The following SCN3A variants were observed in gnomAD, a reference collection of about 807,000 sequenced individuals.
SCN3A encodes the protein sodium channel protein type 3 subunit alpha.
Under a neutral mutation model 187.6 loss-of-function variants are expected in SCN3A, and 60 were observed. The ratio of observed to expected loss-of-function variants is 0.32; its 90% confidence interval spans 0.26 to 0.40. The LOEUF (loss-of-function observed/expected upper bound fraction) is 0.40, where lower values mean the gene tolerates loss of function less well. SCN3A is among the 10% of genes least tolerant of loss of function. The probability of loss-of-function intolerance (pLI) is 1.00; values close to 1 mark genes in which losing one functional copy is unlikely to be tolerated. For missense variants in SCN3A, 1,601 were observed against 2,428.2 expected, an observed-to-expected ratio of 0.66 and a Z score of 7.16; for synonymous variants, 788 against 829.2, an observed-to-expected ratio of 0.95 and a Z score of 0.85.
intron 18 of SCN3A, among the ~76,000 whole-genome samples, chr2:165,119,499 A>G (rs1686544941): frequency 6.6e-6 from 1 of 152,212 alleles, no homozygotes; most frequent in Non-Finnish European, 1.5e-5. Flanking sequence ...CTGAAAAACT[A>G]TATAAGCATT....
intron 1 of SCN3A, among the ~76,000 whole-genome samples, chr2:165,196,345 C>T (rs1691954156): frequency 6.6e-6 from 1 of 152,084 alleles, no homozygotes; most frequent in Admixed American, 6.6e-5. Flanking sequence ...CGACCTGCCT[C>T]AAAATGTGGA....
At chr2:165,151,184 A>G (rs575305556) in intron 11 of SCN3A, among the ~76,000 whole-genome samples, 25 of 152,314 alleles carry the variant, frequency 1.6e-4, no homozygotes, top group Middle Eastern at 3.4e-3. Context: ...GAGCTCAATA[A>G]TTCACTAAAC....
Position 165,089,335 on chromosome 2 carries a change from GC to G in SCN3A, c.*814del, listed in dbSNP as rs1267041172. On this transcript the variant is annotated 3_prime_UTR_variant, in exon 28 of 28. Coordinates refer to ENST00000283254, the MANE Select transcript of SCN3A (RefSeq NM_006922.4). ...CAGAAAGTGGAACAACTATTCTAAA[GC>G]AATACTTTAGATATATTTTTCTAGA... is the stretch of plus-strand genomic sequence containing the variant. 1 of 152,532 alleles carries G rather than the reference GC, an allele frequency of 6.6e-6. No homozygotes were observed. The highest frequency in any genetic ancestry group is 1.9e-4 in the East Asian group (1 of 5,182). The allele number at this position is 152,532 out of a possible 1,614,324, so 9.4% of individuals were successfully genotyped here.
At chr2:165,104,483 C>A (rs1574114064) in intron 21 of SCN3A, among the ~76,000 whole-genome samples, 1 of 148,554 alleles carries the variant, frequency 6.7e-6, no homozygotes, top group African/African-American at 2.5e-5. Context: ...TCAGGTTGGT[C>A]AAAAATTGAA....
At chr2:165,141,049 G>C in intron 12 of SCN3A, 51 bp from the exon 13 acceptor site, 1 of 1,172,148 alleles carries the variant, frequency 8.5e-7, no homozygotes, top group South Asian at 1.4e-5. Flanking sequence ...GGGGAAGAAC[G>C]CAATTATTTA....
intron 2 of SCN3A, among the ~76,000 whole-genome samples, chr2:165,184,082 A>C (rs1691068486): frequency 6.6e-6 from 1 of 152,130 alleles, no homozygotes. Context: ...TTTCACTGAG[A>C]GCTAATGATT....
In SCN3A at chr2:165,162,678, G is replaced by A. The variant is rs773151991; in HGVS notation, c.845C>T (p.Pro282Leu). 1.9e-6 allele frequency: 3 copies of A among 1,614,138 alleles called. No individual in the cohort carries two copies. Among genetic ancestry groups the A allele is most frequent in the Non-Finnish European group, 2.5e-6 (3 of 1,180,004 alleles). ...NLRNKCLQWP[P>L]SDSAFETNTT... Reference sequence around the variant, plus strand: ...GTTGGTTTCAAAAGCAGAATCGCTTGGGGGCCACTGCAAACATTTATTCCT... The same window carrying A: ...GTTGGTTTCAAAAGCAGAATCGCTTAGGGGCCACTGCAAACATTTATTCCT... The change falls in exon 8 of 28, where the codon CCA becomes CTA. Residue 282 changes from proline to leucine, a missense_variant. Around this residue, in one of 11 missense-constraint regions of SCN3A, gnomAD observed 104 missense variants for 102.7 expected, o/e 1.01. Coordinates refer to ENST00000283254, the MANE Select transcript of SCN3A (RefSeq NM_006922.4).
chr2:165,141,408 A>G (rs1464926869), intron 12 of SCN3A, among the ~76,000 whole-genome samples: 1 of 152,208 alleles, frequency 6.6e-6, no homozygotes, highest in Non-Finnish European at 1.5e-5. Context: ...TAGCCTGGAG[A>G]ATAAGTTTTG....
At chr2:165,175,965 A>G (rs1264410582) in intron 3 of SCN3A, among the ~76,000 whole-genome samples, 166 bp downstream of exon 3, 1 of 152,146 alleles carries the variant, frequency 6.6e-6, no homozygotes, top group Non-Finnish European at 1.5e-5. Context: ...TTCATTTCTT[A>G]TAAATGTTTG....
chr2:165,193,013 CA>C (rs1691709586), intron 1 of SCN3A, among the ~76,000 whole-genome samples: 1 of 152,046 alleles, frequency 6.6e-6, no homozygotes, highest in Admixed American at 6.6e-5. Flanking sequence ...TCATCTTAAA[CA>C]AAATATATCA....
rs1279492796 is a variant in SCN3A at position 165,131,290 on chromosome 2, C to G, written c.2519G>C (p.Gly840Ala). 1 of 1,605,424 alleles carries G rather than the reference C, an allele frequency of 6.2e-7. No homozygotes were observed. Among genetic ancestry groups the G allele is most frequent in the Non-Finnish European group, 8.5e-7 (1 of 1,174,788 alleles). The change falls in exon 16 of 28, where the codon GGT becomes GCT. Residue 840 changes from glycine to alanine, a missense_variant. By Grantham distance (60) the Gly-to-Ala change is moderately conservative. Around this residue, in one of 11 missense-constraint regions of SCN3A, gnomAD observed 91 missense variants for 207.0 expected, o/e 0.44. Coordinates refer to ENST00000283254, the MANE Select transcript of SCN3A (RefSeq NM_006922.4). ...IIVSLSLMEL[G>A]LSNVEGLSVL... ...AGACAATCCCTCCACATTTGACAGA[C>G]CAAGCTCCATTAAACTGAGGCTGAC...
intron 9 of SCN3A, among the ~76,000 whole-genome samples, chr2:165,156,980 G>A (rs1485752580): frequency 3.3e-5 from 5 of 151,568 alleles, no homozygotes; most frequent in African/African-American, 7.3e-5. Context: ...GTGCAATCTC[G>A]GCTCAATGCA....
chr2:165,145,819 T>G (rs1429302602), intron 12 of SCN3A, among the ~76,000 whole-genome samples: 1 of 152,116 alleles, frequency 6.6e-6, no homozygotes, highest in Non-Finnish European at 1.5e-5. Context: ...AAGATTGTTA[T>G]GATTAGAAGC....
chr2:165,156,512 C>CAAAAAAAAAAAAA (rs558407270), intron 9 of SCN3A, among the ~76,000 whole-genome samples: 6 of 63,704 alleles, frequency 9.4e-5, no homozygotes, highest in Non-Finnish European at 1.5e-4. Context: ...GACTCTGACT[C>CAAAAAAAAAAAAA]AAAAAAAAAA....
intron 21 of SCN3A, among the ~76,000 whole-genome samples, chr2:165,109,331 A>G (rs1173997456): frequency 6.6e-6 from 1 of 152,146 alleles, no homozygotes; most frequent in Non-Finnish European, 1.5e-5. Context: ...TTAAATTTAT[A>G]TACATAAGAT....
At chr2:165,119,822 A>G (rs1007499310) in intron 18 of SCN3A, 1 of 152,194 alleles carries the variant, frequency 6.6e-6, no homozygotes, top group Non-Finnish European at 1.5e-5. Context: ...TAAATTTACC[A>G]TATTAAGAAA....
chr2:165,137,264 T>C (rs2105798453), intron 15 of SCN3A, among the ~76,000 whole-genome samples: 1 of 152,276 alleles, frequency 6.6e-6, no homozygotes, highest in East Asian at 1.9e-4. Flanking sequence ...AAGTTTGTTT[T>C]AGTACAGAGA....
Position 165,090,935 on chromosome 2 carries a change from C to G in SCN3A, c.5218G>C (p.Asp1740His). The change falls in exon 28 of 28, where the codon GAC becomes CAC. Residue 1740 changes from aspartate to histidine, a missense_variant. Coordinates refer to ENST00000283254, the MANE Select transcript of SCN3A (RefSeq NM_006922.4). This position sits in a 1 kb window ranked among gnomAD's most constrained non-coding sequence, Gnocchi z 4.0. ...ATCCCAACAGATGGGTTCCCACAGT[C>G]TCCCTTAACTGAGCTGCCAGGGTGA... ...TIHPGSSVKG[D>H]CGNPSVGIFF... 4 of 1,614,106 alleles carry G rather than the reference C, an allele frequency of 2.5e-6. No individual in the cohort carries two copies. Among genetic ancestry groups the G allele is most frequent in the Non-Finnish European group, 3.4e-6 (4 of 1,180,008 alleles).
At chr2:165,194,102 A>G (rs1371309667) in intron 1 of SCN3A, among the ~76,000 whole-genome samples, 1 of 152,166 alleles carries the variant, frequency 6.6e-6, no homozygotes, top group East Asian at 1.9e-4. Context: ...TAGAAATGAG[A>G]TTTAATGAAA....
Sources: gnomAD v4.1 joint callset for allele counts (sites outside exome capture counted in the v4.1 genomes callset) on GRCh38, gnomAD v4.1.1 for gene constraint, gnomAD v4.1.1 regional missense constraint, Gnocchi (gnomAD v3.1) non-coding constraint, MANE v1.5 for transcripts, NCBI Gene and HGNC (gene_info 2026-07-23, HGNC 2026-07-21) for gene names.